The following SH3BGR variants were observed in gnomAD, a reference collection of about 807,000 sequenced individuals.
SH3BGR encodes SH3 domain-binding glutamic acid-rich protein.
A neutral mutation model predicts 24.5 loss-of-function variants in SH3BGR; 29 were observed. That is an observed-to-expected ratio of 1.18 (90% CI 0.88 to 1.61). The LOEUF (loss-of-function observed/expected upper bound fraction) is 1.61. Ranked by LOEUF, SH3BGR falls within the 40% of genes most tolerant of loss-of-function variation. The pLI is 0.00. For missense variants in SH3BGR, 162 were observed against 205.8 expected (o/e 0.79, Z 1.30); for synonymous variants, 55 against 65.7 (o/e 0.84, Z 0.79).
At chr21:39,492,578 A>G (rs2078323627) in intron 3 of SH3BGR, among the ~76,000 whole-genome samples, 1 of 151,930 alleles carries the variant, frequency 6.6e-6, no homozygotes, top group Non-Finnish European at 1.5e-5. Flanking sequence ...TTGTGCTGCC[A>G]TAAATGTGTG....
chr21:39,498,478 G>C (rs1172166100), intron 3 of SH3BGR, among the ~76,000 whole-genome samples: 4 of 152,144 alleles, frequency 2.6e-5, no homozygotes, highest in African/African-American at 9.7e-5. Context: ...AGTGTGGGTG[G>C]TAATGACTGC....
chr21:39,507,579 C>T (rs1370902708), intron 4 of SH3BGR, among the ~76,000 whole-genome samples: 5 of 152,090 alleles, frequency 3.3e-5, no homozygotes, highest in South Asian at 2.1e-4. Flanking sequence ...GTGATCTGCC[C>T]GCCTTGGCCT....
intron 6 of SH3BGR, among the ~76,000 whole-genome samples, chr21:39,512,560 TGAG>T (rs2078714502): frequency 6.6e-6 from 1 of 152,224 alleles, no homozygotes; most frequent in Admixed American, 6.5e-5. Context: ...TAATGGATCT[TGAG>T]GACATGGGCG....
chr21:39,450,498 A>G (rs1459396863), upstream of SH3BGR, among the ~76,000 whole-genome samples: 3 of 152,160 alleles, frequency 2.0e-5, no homozygotes, highest in South Asian at 4.1e-4. Context: ...TCTGGGACTC[A>G]GGTGAAGAGG....
intron 3 of SH3BGR, among the ~76,000 whole-genome samples, chr21:39,483,937 T>C (rs1023519752): frequency 6.6e-6 from 1 of 152,136 alleles, no homozygotes; most frequent in African/African-American, 2.4e-5. Flanking sequence ...GTCAAGACAC[T>C]ATGGGAAGAT....
intron 2 of SH3BGR, among the ~76,000 whole-genome samples, chr21:39,468,117 G>A (rs932055919): frequency 2.6e-5 from 4 of 152,182 alleles, no homozygotes; most frequent in East Asian, 1.9e-4. Context: ...GACCTAGATC[G>A]TTCAGCACAG....
chr21:39,513,221 C>G (rs1250542444), intron 6 of SH3BGR, among the ~76,000 whole-genome samples: 2 of 152,154 alleles, frequency 1.3e-5, no homozygotes, highest in African/African-American at 4.8e-5. Context: ...GCTGACTTGT[C>G]AAAGATACCT....
intron 1 of SH3BGR, among the ~76,000 whole-genome samples, chr21:39,460,927 A>G (rs1262803231): frequency 6.6e-6 from 1 of 152,138 alleles, no homozygotes; most frequent in Non-Finnish European, 1.5e-5. Flanking sequence ...TGCTGGGATT[A>G]TAGGCGTGAG....
At chr21:39,496,056 A>G (rs1450981142) in intron 3 of SH3BGR, among the ~76,000 whole-genome samples, 2 of 152,214 alleles carry the variant, frequency 1.3e-5, no homozygotes, top group Admixed American at 6.5e-5. Flanking sequence ...GAACCATGCA[A>G]TACTGAAGCA....
At position 39,507,380 on chromosome 21, in the gene SH3BGR, C is replaced by T. The variant is rs560901881; in HGVS notation, c.406-1618C>T. On this transcript the variant is annotated intron_variant, in intron 4 of 6. Transcript: ENST00000333634. ...TGGAGTTTTGCTCTTGTTGCTCAGG[C>T]TGGAGTGCAGTGGCGCAATCTTGAC... is the stretch of plus-strand genomic sequence containing the variant. Among the ~76,000 whole-genome samples the T allele has an allele frequency of 2.0e-5, 3 of 152,330 alleles. No homozygotes were observed. The East Asian group carries it at 5.8e-4, about 29-fold the overall frequency.
intron 6 of SH3BGR, among the ~76,000 whole-genome samples, chr21:39,512,246 A>G (rs2078708332): frequency 6.6e-6 from 1 of 152,208 alleles, no homozygotes; most frequent in South Asian, 2.1e-4. Flanking sequence ...AATGATGGCA[A>G]TAAATTATAA....
At chr21:39,486,620 G>T (rs193142479) in intron 3 of SH3BGR, among the ~76,000 whole-genome samples, 1 of 152,154 alleles carries the variant, frequency 6.6e-6, no homozygotes, top group South Asian at 2.1e-4. Flanking sequence ...GATTAAAGAA[G>T]GATCAAGTTA....
At chr21:39,460,586 C>G (rs2077738869) in intron 1 of SH3BGR, among the ~76,000 whole-genome samples, 1 of 152,064 alleles carries the variant, frequency 6.6e-6, no homozygotes, top group Non-Finnish European at 1.5e-5. Context: ...TCTACTGCCT[C>G]AGCCTCCCGA....
At chr21:39,494,274 A>C (rs991416641) in intron 3 of SH3BGR, among the ~76,000 whole-genome samples, 4 of 148,668 alleles carry the variant, frequency 2.7e-5, no homozygotes, top group Admixed American at 2.0e-4. Context: ...AGTAGGAGGT[A>C]ATCTTTTGTG....
chr21:39,492,483 CACACA>C (rs1569167820), intron 3 of SH3BGR, among the ~76,000 whole-genome samples: 2 of 65,890 alleles, frequency 3.0e-5, no homozygotes, highest in Admixed American at 4.7e-4. Context: ...TATATATATA[CACACA>C]CACACACACA....
At chr21:39,481,356 G>A (rs939960789) in intron 3 of SH3BGR, among the ~76,000 whole-genome samples, 2 of 152,100 alleles carry the variant, frequency 1.3e-5, no homozygotes, top group East Asian at 1.9e-4. Flanking sequence ...CAGATATTGC[G>A]AAGCTCCAAA....
In SH3BGR at chr21:39,515,136, A is replaced by G. The variant is rs1209510265; in HGVS notation, c.*83A>G. On this transcript the variant is annotated 3_prime_UTR_variant, in exon 7 of 7. Transcript: ENST00000333634. Reference sequence around the variant, plus strand: ...TTTCAAATGTCTCTCCACAAACCAAACTCAACAGAATACTTTGGCTTGAAG... The same window carrying G: ...TTTCAAATGTCTCTCCACAAACCAAGCTCAACAGAATACTTTGGCTTGAAG... 2 of 470,428 alleles carry G rather than the reference A, an allele frequency of 4.3e-6. No homozygotes were observed. The highest frequency in any genetic ancestry group is 8.8e-6 in the Non-Finnish European group (2 of 226,674). The allele number at this position is 470,428 out of a possible 1,614,324, so 29.1% of individuals were successfully genotyped here.
chr21:39,478,696 T>C (rs947842838), intron 3 of SH3BGR, among the ~76,000 whole-genome samples: 4 of 152,140 alleles, frequency 2.6e-5, no homozygotes. Context: ...AATTTTCTTA[T>C]CTTTTCTCTC....
chr21:39,492,662 T>C (rs2078325156), intron 3 of SH3BGR, among the ~76,000 whole-genome samples: 2 of 152,202 alleles, frequency 1.3e-5, no homozygotes, highest in Admixed American at 1.3e-4. Context: ...CTGGATCAAA[T>C]GGTAGTTCTA....
Sources: gnomAD v4.1 joint callset for allele counts (sites outside exome capture counted in the v4.1 genomes callset) on GRCh38, gnomAD v4.1.1 for gene constraint, MANE v1.5 for transcripts, NCBI Gene and HGNC (gene_info 2026-07-23, HGNC 2026-07-21) for gene names.